GABRG2: variants seen among roughly 807,000 people sequenced by gnomAD.
GABRG2 encodes gamma-aminobutyric acid receptor subunit gamma-2.
Under a neutral mutation model 56.4 loss-of-function variants are expected in GABRG2, and 16 were observed. That is an observed-to-expected ratio of 0.28 (90% CI 0.19 to 0.43). GABRG2 has a LOEUF of 0.43. Ranked by LOEUF, GABRG2 falls within the 20% of genes least tolerant of loss-of-function variation. The pLI is 1.00. For synonymous variants in GABRG2, 208 were observed against 205.5 expected, an observed-to-expected ratio of 1.01 and a Z score of -0.10; for missense variants, 327 against 582.7, an observed-to-expected ratio of 0.56 and a Z score of 4.52.
At chr5:162,139,930 A>G (rs923272977) in intron 6 of GABRG2, among the ~76,000 whole-genome samples, 1 of 152,196 alleles carries the variant, frequency 6.6e-6, no homozygotes, top group Non-Finnish European at 1.5e-5. Context: ...TTCTGATCAA[A>G]GAAATGAGAA....
chr5:162,132,175 A>G (rs1358651775), intron 6 of GABRG2, among the ~76,000 whole-genome samples: 1 of 148,388 alleles, frequency 6.7e-6, no homozygotes, highest in Non-Finnish European at 1.5e-5. Context: ...TAACCTCCTA[A>G]TATCACAAAT....
intron 6 of GABRG2, among the ~76,000 whole-genome samples, chr5:162,129,627 G>A (rs540980384): frequency 3.4e-4 from 51 of 151,592 alleles, no homozygotes; most frequent in Admixed American, 3.1e-3. Flanking sequence ...TTTCATCTGC[G>A]AAAAAAACAG....
intron 7 of GABRG2, among the ~76,000 whole-genome samples, chr5:162,147,276 T>G (rs1440894923): frequency 3.3e-5 from 5 of 151,860 alleles, no homozygotes; most frequent in Non-Finnish European, 5.9e-5. Context: ...TCTTTCTTTT[T>G]TCTTTTTCTT....
chr5:162,093,964 C>T lies in GABRG2; in HGVS notation c.244C>T (p.Arg82Trp), dbSNP rs146470870. ...GCTGGAAGGATATGACAATAAACTT[C>T]GGCCTGATATAGGAGGTTTGTTAAA... ...NLLEGYDNKL[R>W]PDIGVKPTLI... The change falls in exon 2 of 10, where the codon CGG (arginine) becomes TGG (tryptophan). Residue 82 changes from arginine to tryptophan, a missense_variant. Around this residue, in one of 4 missense-constraint regions of GABRG2, gnomAD observed 104 missense variants for 209.3 expected, o/e 0.50. Transcript: ENST00000639213. The T allele has an allele frequency of 1.2e-6, 2 of 1,613,184 alleles. No individual in the cohort carries two copies. Among genetic ancestry groups the T allele is most frequent in the Admixed American group, 1.7e-5 (1 of 59,942 alleles).
intron 5 of GABRG2, chr5:162,101,918 A>G (rs1461247757): frequency 6.5e-6 from 1 of 154,872 alleles, no homozygotes; most frequent in African/African-American, 2.4e-5. Flanking sequence ...AATCAAAGCC[A>G]AGCAAACCTA....
intron 6 of GABRG2, among the ~76,000 whole-genome samples, chr5:162,119,374 C>A (rs1401258844): frequency 1.3e-5 from 2 of 152,086 alleles, no homozygotes; most frequent in African/African-American, 4.8e-5. Flanking sequence ...CATAGTTACC[C>A]AATGTTGTAA....
intron 1 of GABRG2, among the ~76,000 whole-genome samples, chr5:162,093,311 G>A (rs1209593631): frequency 6.6e-6 from 1 of 152,110 alleles, no homozygotes; most frequent in Non-Finnish European, 1.5e-5. Context: ...GGAAGCAAAA[G>A]CAAAGAGATT....
chr5:162,116,106 G>A lies in GABRG2; in HGVS notation c.769+12080G>A, dbSNP rs546392156. 2.7e-3 allele frequency among the ~76,000 whole-genome samples: 347 copies of A among 129,576 alleles called. 1 individual carries two copies. The highest frequency in any genetic ancestry group is 7.1e-3 in the Middle Eastern group (2 of 280). 85.0% of individuals were successfully genotyped at this position (129,576 alleles called of 152,430 possible). On this transcript the variant is annotated intron_variant, in intron 6 of 9. Transcript: ENST00000639213. ...ATGAATTAAACACCAAGGGGTGTGC[G>A]TGCATGTGTGTGTGTGTGTGTGTGT...
chr5:162,106,992 C>A (rs1462156669), intron 6 of GABRG2, among the ~76,000 whole-genome samples: 1 of 152,088 alleles, frequency 6.6e-6, no homozygotes, highest in African/African-American at 2.4e-5. Flanking sequence ...TTTCCTGATC[C>A]TCTCCTTCCT....
intron 4 of GABRG2, chr5:162,098,174 T>C: frequency 3.0e-6 from 1 of 334,968 alleles, no homozygotes; most frequent in Non-Finnish European, 5.5e-6. Flanking sequence ...CGCTTTGCAC[T>C]CTTATGCTTG....
At chr5:162,071,898 A>T (rs559969323) in intron 1 of GABRG2, among the ~76,000 whole-genome samples, 9 of 151,878 alleles carry the variant, frequency 5.9e-5, no homozygotes, top group Admixed American at 1.3e-4. Flanking sequence ...TCAAAAGGTT[A>T]CCCTGAGGCC....
rs759091506 is a variant in GABRG2, at chr5:162,105,847, C to CCAT, written c.769+1821_769+1822insCAT. On this transcript the variant is annotated intron_variant, in intron 6 of 9. Transcript: ENST00000639213. ...CACACACACACACACACACACACCA[C>CCAT]GTAAAATTAATCTCCAGTTCTTCAT... Among the ~76,000 whole-genome samples the CCAT allele has an allele frequency of 9.1e-3, 1,051 of 115,950 alleles. 4 individuals are homozygous for CCAT. Among genetic ancestry groups the CCAT allele is most frequent in the Non-Finnish European group, 0.014 (744 of 54,380 alleles). 76.1% of individuals were successfully genotyped at this position (115,950 alleles called of 152,430 possible). A position where few individuals can be genotyped will look rare whatever the true frequency, so the allele number is the denominator to read the frequency against.
chr5:162,127,455 G>C (rs1357989549), intron 6 of GABRG2, among the ~76,000 whole-genome samples: 2 of 151,772 alleles, frequency 1.3e-5, no homozygotes, highest in Non-Finnish European at 2.9e-5. Context: ...TATAAAATTT[G>C]GGGTATCTAT....
intron 6 of GABRG2, 110 bp downstream of exon 6, chr5:162,104,136 TAAATG>T: frequency 1.0e-6 from 1 of 990,690 alleles, no homozygotes; most frequent in Non-Finnish European, 1.6e-6. Context: ...ATCAGAAAAT[TAAATG>T]AAGTGTTTTA....
intron 1 of GABRG2, among the ~76,000 whole-genome samples, chr5:162,086,557 T>C (rs934249142): frequency 2.6e-5 from 4 of 152,036 alleles, no homozygotes; most frequent in Non-Finnish European, 5.9e-5. Context: ...AAATAAAATA[T>C]TGCCAATGTC....
intron 1 of GABRG2, among the ~76,000 whole-genome samples, chr5:162,074,220 A>C (rs1362912497): frequency 1.3e-5 from 2 of 152,042 alleles, no homozygotes; most frequent in Non-Finnish European, 2.9e-5. Flanking sequence ...GTATTATGAT[A>C]TAAGAGCACA....
chr5:162,100,956 G>T (rs1370778184), intron 4 of GABRG2, among the ~76,000 whole-genome samples: 1 of 152,062 alleles, frequency 6.6e-6, no homozygotes, highest in Non-Finnish European at 1.5e-5. Context: ...AATTTGCAAA[G>T]AGAAAAACCA....
rs753076158 is a variant in GABRG2, at chr5:162,093,939, G to A, written c.219G>A (p.Leu73=). The A allele has an allele frequency of 5.7e-5, 92 of 1,613,236 alleles. No individual in the cohort carries two copies. Among genetic ancestry groups the A allele is most frequent in the Middle Eastern group, 1.6e-4 (1 of 6,074 alleles). ...ATGTCACTGTCATCTTAAACAACCT[G>A]CTGGAAGGATATGACAATAAACTTC... ...EGDVTVILNN[L]LEGYDNKLRP... is the part of the protein sequence containing the mutation. The change falls in exon 2 of 10, where the codon CTG becomes CTA. Residue 73 remains leucine (L), a synonymous_variant. Coordinates refer to ENST00000639213, the MANE Select transcript of GABRG2 (RefSeq NM_198904.4).
At position 162,153,485 on chromosome 5, in the gene GABRG2, A is replaced by G. The variant is rs187224842; in HGVS notation, c.*117A>G. 5.8e-5 allele frequency: 73 copies of G among 1,264,768 alleles called. No homozygotes were observed. Among genetic ancestry groups the G allele is most frequent in the Non-Finnish European group, 7.6e-5 (66 of 870,078 alleles). 78.3% of individuals were successfully genotyped at this position (1,264,768 alleles called of 1,614,324 possible). On this transcript the variant is annotated 3_prime_UTR_variant, in exon 10 of 10. Coordinates refer to ENST00000639213, the MANE Select transcript of GABRG2 (RefSeq NM_198904.4). ...TTGATAATGATCTGAATCTGTTTCT[A>G]TGTCCAAACCTGGTAAATTTTATAA...
Sources: allele counts gnomAD v4.1 joint callset (sites outside exome capture counted in the v4.1 genomes callset), GRCh38; gene constraint gnomAD v4.1.1; regional missense constraint gnomAD v4.1.1; transcripts MANE v1.5; gene names NCBI Gene and HGNC (gene_info 2026-07-23, HGNC 2026-07-21).